The following ZFHX4 variants were observed in gnomAD, a reference collection of about 807,000 sequenced individuals.
The protein encoded by ZFHX4 is zinc finger homeobox 4, also known as zinc finger homeobox protein 4.
ZFHX4 carries 56 observed loss-of-function variants against 267.6 expected under a neutral mutation model. The ratio of observed to expected loss-of-function variants is 0.21; its 90% CI spans 0.17 to 0.26. The LOEUF (loss-of-function observed/expected upper bound fraction) is 0.26, where lower values mean the gene tolerates loss of function less well. ZFHX4 is among the 10% of genes least tolerant of loss of function. The pLI is 1.00. For synonymous variants in ZFHX4, 1,778 were observed against 1,665.6 expected (o/e 1.07, Z -1.64); for missense variants, 4,332 against 4,420.0 (o/e 0.98, Z 0.56).
chr8:76,710,715 G>T (rs1227170712), intron 3 of ZFHX4, among the ~76,000 whole-genome samples: 1 of 152,126 alleles, frequency 6.6e-6, no homozygotes, highest in African/African-American at 2.4e-5. Flanking sequence ...ACAACATATT[G>T]ATTCATAACA....
chr8:76,824,528 A>G (rs1811735919), intron 4 of ZFHX4, among the ~76,000 whole-genome samples: 1 of 152,118 alleles, frequency 6.6e-6, no homozygotes, highest in African/African-American at 2.4e-5. Context: ...GTCTATTACT[A>G]CCAGTCCTTC....
chr8:76,772,251 T>A (rs1412279514), intron 3 of ZFHX4, among the ~76,000 whole-genome samples: 1 of 152,170 alleles, frequency 6.6e-6, no homozygotes, highest in Non-Finnish European at 1.5e-5. Context: ...AAATCAGTTG[T>A]GTTTTTTATT....
In ZFHX4 at chr8:76,850,269, C is replaced by T. The variant is rs754385334; in HGVS notation, c.3871C>T (p.Pro1291Ser). 7 of 1,612,874 alleles carry T rather than the reference C, an allele frequency of 4.3e-6. No homozygotes were observed. The highest frequency in any genetic ancestry group is 3.4e-6 in the Non-Finnish European group (4 of 1,179,624). Residue 1291 changes from proline (P) to serine (S), a missense_variant, in exon 9 of 11, where the codon CCA becomes TCA. Physicochemically the swap from Pro to Ser is moderately conservative, Grantham distance 74 (BLOSUM62 -1). Around this residue, in one of 7 missense-constraint regions of ZFHX4, gnomAD observed 1,371 missense variants for 1,423.1 expected, o/e 0.96. Transcript: ENST00000651372. The stretch of plus-strand genomic sequence containing the variant: ...GGTGCCTGTCCCTGATGTGATGATG[C>T]CAAACAGTATGCTACTGCCAGCAGC... ...MTVPVPDVMM[P>S]NSMLLPAAAS...
rs922615110 is a variant in ZFHX4 at position 76,704,359 on chromosome 8, A to T, written c.271A>T (p.Ser91Cys). 6.2e-7 allele frequency: 1 copy of T among 1,614,024 alleles called. No individual in the cohort carries two copies. The highest frequency in any genetic ancestry group is 2.2e-5 in the East Asian group (1 of 44,884). ...PCNECATSFP[S>C]LQKYMEHHCP... ...CAACGAATGTGCCACTTCTTTTCCC[A>T]GTTTACAGAAATACATGGAACACCA... The change falls in exon 2 of 11, where the codon AGT (serine) becomes TGT (cysteine). Residue 91 changes from serine to cysteine, a missense_variant. Coordinates refer to ENST00000651372, the MANE Select transcript of ZFHX4 (RefSeq NM_024721.5).
chr8:76,782,459 A>C (rs2131783664), intron 4 of ZFHX4, among the ~76,000 whole-genome samples: 1 of 152,144 alleles, frequency 6.6e-6, no homozygotes, highest in Middle Eastern at 3.4e-3. Context: ...AGAGATGGAA[A>C]GAAATAGTGA....
chr8:76,755,389 A>G (rs1322673719), intron 3 of ZFHX4, among the ~76,000 whole-genome samples: 1 of 152,008 alleles, frequency 6.6e-6, no homozygotes, highest in African/African-American at 2.4e-5. Flanking sequence ...GTTAGGAAAT[A>G]TTTTTTCTTT....
intron 5 of ZFHX4, among the ~76,000 whole-genome samples, chr8:76,835,219 G>GTATA (rs773901442): frequency 0.013 from 984 of 75,966 alleles, 16 homozygotes; most frequent in African/African-American, 0.05. Flanking sequence ...GTATATATAT[G>GTATA]TATATATATA....
chr8:76,757,066 A>AGTT (rs1440644376), intron 3 of ZFHX4, among the ~76,000 whole-genome samples: 1 of 152,160 alleles, frequency 6.6e-6, no homozygotes, highest in Admixed American at 6.5e-5. Context: ...GAATTTGAAT[A>AGTT]GTTGTCAAGC....
intron 1 of ZFHX4, among the ~76,000 whole-genome samples, chr8:76,693,930 ACTTGGCTTTGTT>A (rs1807888087): frequency 6.6e-6 from 1 of 152,238 alleles, no homozygotes; most frequent in South Asian, 2.1e-4. Flanking sequence ...TTACACGAGC[ACTTGGCTTTGTT>A]CTTACTCTAG....
intron 3 of ZFHX4, among the ~76,000 whole-genome samples, chr8:76,740,229 C>T (rs1305424809): frequency 6.6e-6 from 1 of 150,686 alleles, no homozygotes; most frequent in Admixed American, 6.6e-5. Flanking sequence ...ATTTGTATTC[C>T]CTGGTGCTTA....
chr8:76,687,616 T>A (rs1270988725), intron 1 of ZFHX4, among the ~76,000 whole-genome samples: 2 of 152,176 alleles, frequency 1.3e-5, no homozygotes, highest in Admixed American at 6.5e-5. Flanking sequence ...TTATTCTCCC[T>A]TTTCCACCCA....
intron 5 of ZFHX4, 37 bp downstream of exon 5, chr8:76,833,443 T>C (rs1240737691): frequency 6.6e-7 from 1 of 1,512,640 alleles, no homozygotes; most frequent in African/African-American, 1.4e-5. Flanking sequence ...TATTTCCTTG[T>C]CCTAAATGAG....
At chr8:76,815,321 T>C (rs559792709) in intron 4 of ZFHX4, among the ~76,000 whole-genome samples, 6 of 152,296 alleles carry the variant, frequency 3.9e-5, no homozygotes, top group Non-Finnish European at 5.9e-5. Flanking sequence ...CACCATACAA[T>C]GCGTAGCTTA....
At chr8:76,751,664 T>C (rs1585908766) in intron 3 of ZFHX4, among the ~76,000 whole-genome samples, 1 of 152,216 alleles carries the variant, frequency 6.6e-6, no homozygotes, top group East Asian at 1.9e-4. Flanking sequence ...AATAGTAATT[T>C]TCCTTCTTTT....
intron 4 of ZFHX4, among the ~76,000 whole-genome samples, chr8:76,820,674 C>T (rs536833622): frequency 6.6e-6 from 1 of 152,220 alleles, no homozygotes; most frequent in South Asian, 2.1e-4. Flanking sequence ...ACAAAAATTA[C>T]AGTGTGATGG....
At chr8:76,841,342 G>A (rs1812228090) in intron 5 of ZFHX4, among the ~76,000 whole-genome samples, 1 of 152,130 alleles carries the variant, frequency 6.6e-6, no homozygotes, top group African/African-American at 2.4e-5. Flanking sequence ...TATGACAGTG[G>A]ATATTTCATT....
At chr8:76,862,461 A>G (rs1267644661) in intron 10 of ZFHX4, among the ~76,000 whole-genome samples, 1 of 152,148 alleles carries the variant, frequency 6.6e-6, no homozygotes, top group Non-Finnish European at 1.5e-5. Context: ...ATCCTGGCTA[A>G]CCTTGTTCAG....
intron 5 of ZFHX4, among the ~76,000 whole-genome samples, chr8:76,839,053 AAGAGAGAGAGAGAGAGAGAGAGAG>A (rs35873786): frequency 2.8e-5 from 3 of 107,378 alleles, no homozygotes; most frequent in South Asian, 3.7e-4. Context: ...CTCTGTCTGA[AAGAGAGAGAGAGAGAGAGAGAGAG>A]AGAGAGAGAG....
intron 3 of ZFHX4, among the ~76,000 whole-genome samples, chr8:76,766,770 T>C (rs1312234498): frequency 1.3e-5 from 2 of 152,102 alleles, no homozygotes; most frequent in African/African-American, 4.8e-5. Flanking sequence ...TATAATATTA[T>C]AATTTTTAAA....
Sources: allele counts gnomAD v4.1 joint callset (sites outside exome capture counted in the v4.1 genomes callset), GRCh38; gene constraint gnomAD v4.1.1; regional missense constraint gnomAD v4.1.1; transcripts MANE v1.5; gene names NCBI Gene and HGNC (gene_info 2026-07-23, HGNC 2026-07-21).